SPSB1: variants seen among roughly 807,000 people sequenced by gnomAD.
The protein encoded by SPSB1 is SPRY domain-containing SOCS box protein 1.
In SPSB1, 8 loss-of-function variants were observed where a neutral mutation model predicts 21.2. The observed-to-expected ratio is 0.38, with a 90% CI of 0.22 to 0.68. The LOEUF (loss-of-function observed/expected upper bound fraction) is 0.68, where lower values mean the gene tolerates loss of function less well. Among genes scored for constraint, SPSB1 ranks in the 30% least tolerant of loss-of-function variants. SPSB1 has a pLI of 0.53. For synonymous variants in SPSB1, 169 were observed against 161.7 expected (o/e 1.05, Z -0.34); for missense variants, 242 against 377.8 (o/e 0.64, Z 2.98).
chr1:9,326,678 C>T (rs1557453835), intron 1 of SPSB1, among the ~76,000 whole-genome samples: 1 of 152,194 alleles, frequency 6.6e-6, no homozygotes, highest in African/African-American at 2.4e-5. Flanking sequence ...GCTAAGCCAC[C>T]CTTGGTCAGC....
At chr1:9,360,766 G>A (rs1300648127) in intron 2 of SPSB1, among the ~76,000 whole-genome samples, 1 of 152,240 alleles carries the variant, frequency 6.6e-6, no homozygotes, top group Non-Finnish European at 1.5e-5. Context: ...TCGTCATAAT[G>A]AAGTACATCC....
In SPSB1 at chr1:9,356,717, C is replaced by T. The variant is rs1640369399; in HGVS notation, c.694+132C>T. ...CGATATTCCAGTGTATTCAGACCCTCAGAGGCAACTTTTGCATCGGGTTAA... is the reference window on the plus strand; with the variant it reads ...CGATATTCCAGTGTATTCAGACCCTTAGAGGCAACTTTTGCATCGGGTTAA... On this transcript the variant is annotated intron_variant, in intron 2 of 2. Coordinates refer to ENST00000328089, the MANE Select transcript of SPSB1 (RefSeq NM_025106.4). This position sits in a 1 kb window ranked among gnomAD's most constrained non-coding sequence, Gnocchi z 7.4. The T allele has an allele frequency of 1.4e-6, 2 of 1,392,664 alleles. No individual in the cohort carries two copies. Among genetic ancestry groups the T allele is most frequent in the Non-Finnish European group, 9.4e-7 (1 of 1,066,410 alleles). 86.3% of individuals were successfully genotyped at this position (1,392,664 alleles called of 1,614,324 possible).
Position 9,367,648 on chromosome 1 carries a change from C to A in SPSB1, c.*73C>A. The A allele has an allele frequency of 6.6e-7, 1 of 1,511,460 alleles. No individual in the cohort carries two copies. The allele number at this position is 1,511,460 out of a possible 1,614,324, so 93.6% of individuals were successfully genotyped here. A position where few individuals can be genotyped will look rare whatever the true frequency, so the allele number is the denominator to read the frequency against. ...CTGAGCCGCCTGCCGCTGGGGCCGC[C>A]GCACCCTGCACCTTGGACCGGCATC... On this transcript the variant is annotated 3_prime_UTR_variant, in exon 3 of 3. Transcript: ENST00000328089. The surrounding 1 kb of genome is among the most constrained non-coding windows in gnomAD (Gnocchi z 5.9).
rs977924619 is a variant in SPSB1, at chr1:9,367,840, G to C, written c.*265G>C. The C allele has an allele frequency of 1.9e-6, 1 of 517,300 alleles. No individual in the cohort carries two copies. The highest frequency in any genetic ancestry group is 3.5e-5 in the Admixed American group (1 of 28,284). The allele number at this position is 517,300 out of a possible 1,614,324, so 32.0% of individuals were successfully genotyped here. On this transcript the variant is annotated 3_prime_UTR_variant, in exon 3 of 3. Coordinates refer to ENST00000328089, the MANE Select transcript of SPSB1 (RefSeq NM_025106.4). This position sits in a 1 kb window ranked among gnomAD's most constrained non-coding sequence, Gnocchi z 5.9. Reference sequence around the variant, plus strand: ...CAACCCCTCTTTGAAAAAAGACACAGAGAATAAACTCCTACGAAAGCCCTA... The same window carrying C: ...CAACCCCTCTTTGAAAAAAGACACACAGAATAAACTCCTACGAAAGCCCTA...
chr1:9,304,769 G>A (rs763129974), intron 1 of SPSB1, among the ~76,000 whole-genome samples: 3 of 152,066 alleles, frequency 2.0e-5, no homozygotes, highest in African/African-American at 4.8e-5. Flanking sequence ...TGGGCTCAAC[G>A]CTCAAGCAAT....
intron 1 of SPSB1, among the ~76,000 whole-genome samples, chr1:9,330,775 A>G (rs1639904281): frequency 6.6e-6 from 1 of 151,944 alleles, no homozygotes; most frequent in African/African-American, 2.4e-5. Context: ...TAAGACGTGC[A>G]GTTCAGTAGC....
In SPSB1 at chr1:9,310,357, G is replaced by A. The variant is rs181484975; in HGVS notation, c.-150+17286G>A. Among the ~76,000 whole-genome samples, 70 of 152,320 alleles carry A rather than the reference G, an allele frequency of 4.6e-4. No homozygotes were observed. In the East Asian group the frequency reaches 6.0e-3, roughly 13 times the overall value. ...GCATCTCATGTGAGGTTCTTGGGGC[G>A]CCTTCCTGGATTTCTAAGGGATGAG... On this transcript the variant is annotated intron_variant, in intron 1 of 2. Coordinates refer to ENST00000328089, the MANE Select transcript of SPSB1 (RefSeq NM_025106.4).
intron 2 of SPSB1, among the ~76,000 whole-genome samples, chr1:9,365,994 G>A (rs1334248717): frequency 2.0e-5 from 3 of 152,344 alleles, no homozygotes; most frequent in East Asian, 1.9e-4. Context: ...GCCTTCCAAC[G>A]CTCAGAAGCC....
rs76253052 is a variant in SPSB1 at position 9,348,937 on chromosome 1, ATG to A, written c.-149-6780_-149-6779del. The stretch of plus-strand genomic sequence containing the variant: ...GACATCCCCTTTCACTCGTGCAAGA[ATG>A]TGTGTGTGTGTGTGTGTGTGTGTGT... On this transcript the variant is annotated intron_variant, in intron 1 of 2. Coordinates refer to ENST00000328089, the MANE Select transcript of SPSB1 (RefSeq NM_025106.4). This position sits in a 1 kb window ranked among gnomAD's most constrained non-coding sequence, Gnocchi z 4.8. Among the ~76,000 whole-genome samples, 20,138 of 150,676 alleles carry A rather than the reference ATG, an allele frequency of 0.13. 1,575 individuals carry two copies. Among genetic ancestry groups the A allele is most frequent in the South Asian group, 0.26 (1,230 of 4,742 alleles).
At chr1:9,364,838 T>C (rs969619939) in intron 2 of SPSB1, among the ~76,000 whole-genome samples, 1 of 152,024 alleles carries the variant, frequency 6.6e-6, no homozygotes, top group Non-Finnish European at 1.5e-5. Flanking sequence ...GTTTTGTTGT[T>C]GTTGTTGTCG....
At chr1:9,311,103 GC>G in intron 1 of SPSB1, among the ~76,000 whole-genome samples, 1 of 150,910 alleles carries the variant, frequency 6.6e-6, no homozygotes, top group East Asian at 1.9e-4. Flanking sequence ...CTCCCTGAAA[GC>G]CAAGTCCTTA....
At chr1:9,331,584 G>T (rs1639921122) in intron 1 of SPSB1, among the ~76,000 whole-genome samples, 1 of 152,090 alleles carries the variant, frequency 6.6e-6, no homozygotes, top group African/African-American at 2.4e-5. Flanking sequence ...CACTGCCTTA[G>T]CCTCCCAAAC....
chr1:9,362,820 A>T (rs1224061456), intron 2 of SPSB1, among the ~76,000 whole-genome samples: 1 of 152,196 alleles, frequency 6.6e-6, no homozygotes, highest in Non-Finnish European at 1.5e-5. Context: ...CTGCTCCCAG[A>T]AATAGCGCCT....
At chr1:9,333,700 C>T (rs1185537484) in intron 1 of SPSB1, among the ~76,000 whole-genome samples, 2 of 152,176 alleles carry the variant, frequency 1.3e-5, no homozygotes, top group Non-Finnish European at 2.9e-5. Flanking sequence ...TGTAGGCTGA[C>T]CCCAGAGCGG....
intron 1 of SPSB1, among the ~76,000 whole-genome samples, chr1:9,349,103 G>A (rs1431940370): frequency 6.6e-6 from 1 of 152,140 alleles, no homozygotes; most frequent in Non-Finnish European, 1.5e-5. Context: ...CCCTCCTCCA[G>A]AGCTTTTAAT....
In SPSB1 at chr1:9,356,303, G is replaced by A. The variant is rs1036065921; in HGVS notation, c.412G>A (p.Glu138Lys). The change falls in exon 2 of 3, where the codon GAG becomes AAG. Residue 138 changes from glutamate (E) to lysine (K), a missense_variant. Glu to Lys is a moderately conservative substitution (Grantham distance 56, BLOSUM62 1). Transcript: ENST00000328089. The surrounding 1 kb of genome is among the most constrained non-coding windows in gnomAD (Gnocchi z 7.4). ...GYTTLVGNNH[E>K]SWGWDLGRNR... ...CACAACCCTCGTGGGGAATAACCACGAGTCCTGGGGCTGGGACTTGGGGCG... is the reference window on the plus strand; with the variant it reads ...CACAACCCTCGTGGGGAATAACCACAAGTCCTGGGGCTGGGACTTGGGGCG... 2 of 1,613,744 alleles carry A rather than the reference G, an allele frequency of 1.2e-6. No individual in the cohort carries two copies. The highest frequency in any genetic ancestry group is 1.7e-6 in the Non-Finnish European group (2 of 1,180,028).
rs773171397 is a variant in SPSB1 at position 9,368,074 on chromosome 1, C to G, written c.*499C>G. The G allele has an allele frequency of 6.1e-6, 1 of 162,814 alleles. No homozygotes were observed. The highest frequency in any genetic ancestry group is 2.4e-5 in the African/African-American group (1 of 41,498). The allele number at this position is 162,814 out of a possible 1,614,324, so 10.1% of individuals were successfully genotyped here. On this transcript the variant is annotated 3_prime_UTR_variant, in exon 3 of 3. Coordinates refer to ENST00000328089, the MANE Select transcript of SPSB1 (RefSeq NM_025106.4). ...GGGCCATGCCATGGCAGATAAAGCT[C>G]AGGACGTCAAAAACTCACCATGGAC...
intron 1 of SPSB1, among the ~76,000 whole-genome samples, chr1:9,296,991 G>A (rs981544427): frequency 2.0e-5 from 3 of 152,214 alleles, no homozygotes; most frequent in African/African-American, 4.8e-5. Context: ...ACAGGCTTAG[G>A]CTCTCGGGGC....
chr1:9,350,838 T>G, intron 1 of SPSB1, among the ~76,000 whole-genome samples: 1 of 152,226 alleles, frequency 6.6e-6, no homozygotes. Flanking sequence ...GCATCTGCAT[T>G]TGCTTCTCAG....
Sources: gnomAD v4.1 joint callset for allele counts (sites outside exome capture counted in the v4.1 genomes callset) on GRCh38, gnomAD v4.1.1 for gene constraint, Gnocchi (gnomAD v3.1) non-coding constraint, MANE v1.5 for transcripts, NCBI Gene and HGNC (gene_info 2026-07-23, HGNC 2026-07-21) for gene names.